SOX6: variants seen among roughly 807,000 people sequenced by gnomAD.
SOX6 encodes SRY-box transcription factor 6.
SOX6 carries 11 observed loss-of-function variants against 97.8 expected under a neutral mutation model. The ratio of observed to expected loss-of-function variants is 0.11; its 90% CI spans 0.07 to 0.19. The LOEUF is 0.19. SOX6 is among the 10% of genes least tolerant of loss of function. The probability of loss-of-function intolerance (pLI) is 1.00; values close to 1 mark genes in which losing one functional copy is unlikely to be tolerated. For synonymous variants in SOX6, 360 were observed against 371.4 expected, an observed-to-expected ratio of 0.97 and a Z score of 0.35; for missense variants, 810 against 1,039.5, an observed-to-expected ratio of 0.78 and a Z score of 3.04.
intron 6 of SOX6, among the ~76,000 whole-genome samples, chr11:16,154,281 T>C (rs998604054): frequency 6.6e-6 from 1 of 152,112 alleles, no homozygotes; most frequent in African/African-American, 2.4e-5. Flanking sequence ...TTGGACAGTG[T>C]AAAGGGAAAA....
chr11:16,709,004 G>A (rs1848156990), intron 3 of SOX6, among the ~76,000 whole-genome samples: 1 of 152,110 alleles, frequency 6.6e-6, no homozygotes, highest in Non-Finnish European at 1.5e-5. Flanking sequence ...GACCCAAAAT[G>A]TTTTGCATTG....
chr11:16,398,937 G>T lies in SOX6; in HGVS notation c.-4-57685C>A, dbSNP rs145356598. On this transcript the variant is annotated intron_variant, in intron 1 of 15. Transcript: ENST00000396356. ...CTAATCATTTATTTTTATTTTCATAGAATCTTTTAAGAAAGGTCAACAAAA... is the reference window on the plus strand; with the variant it reads ...CTAATCATTTATTTTTATTTTCATATAATCTTTTAAGAAAGGTCAACAAAA... Among the ~76,000 whole-genome samples, 77 of 151,106 alleles carry T rather than the reference G, an allele frequency of 5.1e-4. No individual in the cohort carries two copies. In the Middle Eastern group the frequency reaches 0.024, roughly 47 times the overall value.
intron 3 of SOX6, among the ~76,000 whole-genome samples, chr11:16,660,978 C>A (rs1242384655): frequency 6.6e-6 from 1 of 152,178 alleles, no homozygotes; most frequent in Non-Finnish European, 1.5e-5. Context: ...GCTGAGAGTG[C>A]TATTCAGTTC....
rs533121829 is a variant in SOX6, at chr11:16,084,146, C to CA, written c.1101+11849dup. On this transcript the variant is annotated intron_variant, in intron 9 of 15. Coordinates refer to ENST00000683767, the MANE Select transcript of SOX6 (RefSeq NM_001367873.1). ...CAGTCATCAGGCATAGAAATTAGGA[C>CA]AAAAGGGTTTCAAACTGCCTATACA... 1.2e-4 allele frequency among the ~76,000 whole-genome samples: 19 copies of CA among 152,106 alleles called. 1 individual carries two copies. The East Asian group carries it at 3.7e-3, about 30-fold the overall frequency.
intron 1 of SOX6, among the ~76,000 whole-genome samples, chr11:16,379,016 A>G: frequency 6.6e-6 from 1 of 152,144 alleles, no homozygotes; most frequent in East Asian, 1.9e-4. Flanking sequence ...CACTTTACAT[A>G]TAAGGAAACT....
intron 9 of SOX6, among the ~76,000 whole-genome samples, chr11:16,088,583 G>A (rs1297091469): frequency 6.6e-6 from 1 of 151,966 alleles, no homozygotes; most frequent in African/African-American, 2.4e-5. Context: ...AATTTCCTGA[G>A]CATGATCATT....
chr11:16,567,653 G>A (rs1248066118), intron 4 of SOX6, among the ~76,000 whole-genome samples: 45 of 131,368 alleles, frequency 3.4e-4, no homozygotes, highest in South Asian at 2.5e-4. Flanking sequence ...TGCAACCTCC[G>A]CCTTCTGGGT....
intron 7 of SOX6, among the ~76,000 whole-genome samples, chr11:16,106,483 G>T (rs532656122): frequency 6.6e-6 from 1 of 152,016 alleles, no homozygotes; most frequent in Non-Finnish European, 1.5e-5. Flanking sequence ...ATTGAATGGG[G>T]GAAGGGATAG....
chr11:16,045,959 G>A (rs1855815685), intron 12 of SOX6, among the ~76,000 whole-genome samples: 1 of 152,180 alleles, frequency 6.6e-6, no homozygotes, highest in African/African-American at 2.4e-5. Context: ...GAAAGCAGGT[G>A]TCTTTGTCAG....
chr11:16,645,323 A>G (rs1050586893), intron 3 of SOX6, among the ~76,000 whole-genome samples: 6 of 152,288 alleles, frequency 3.9e-5, no homozygotes, highest in African/African-American at 1.4e-4. Flanking sequence ...AAACATGTCC[A>G]TGTTTACAGG....
At chr11:16,396,423 C>T (rs1040082342) in intron 1 of SOX6, among the ~76,000 whole-genome samples, 3 of 151,646 alleles carry the variant, frequency 2.0e-5, no homozygotes, top group Admixed American at 1.3e-4. Context: ...CACATGCACA[C>T]ATATAATGTA....
intron 6 of SOX6, among the ~76,000 whole-genome samples, chr11:16,142,881 T>A (rs1225628579): frequency 1.3e-5 from 2 of 152,040 alleles, no homozygotes; most frequent in African/African-American, 2.4e-5. Flanking sequence ...CTGATTGGTA[T>A]ACCTGAAAGT....
At chr11:16,034,348 G>T (rs1177177945) in intron 12 of SOX6, among the ~76,000 whole-genome samples, 2 of 152,126 alleles carry the variant, frequency 1.3e-5, no homozygotes, top group African/African-American at 4.8e-5. Context: ...AAGATATAAA[G>T]GGCAAATCAG....
intron 3 of SOX6, among the ~76,000 whole-genome samples, chr11:16,692,493 G>A (rs779467291): frequency 6.6e-6 from 1 of 152,022 alleles, no homozygotes; most frequent in Non-Finnish European, 1.5e-5. Flanking sequence ...GCTCTCATTT[G>A]TCTCTCCCTG....
intron 4 of SOX6, among the ~76,000 whole-genome samples, chr11:16,512,223 A>G (rs570569520): frequency 6.6e-6 from 1 of 152,326 alleles, no homozygotes; most frequent in African/African-American, 2.4e-5. Flanking sequence ...CCAAGACACC[A>G]TAAAGAAGTC....
intron 1 of SOX6, among the ~76,000 whole-genome samples, chr11:16,475,435 A>T (rs1054248768): frequency 1.3e-5 from 2 of 152,154 alleles, no homozygotes; most frequent in African/African-American, 4.8e-5. Flanking sequence ...CTTAGAAGTC[A>T]TTGTAGGGTT....
chr11:16,457,766 C>T lies in SOX6; in HGVS notation c.-5+18549G>A, dbSNP rs368503268. On this transcript the variant is annotated intron_variant, in intron 1 of 15. Transcript: ENST00000396356. ...CCCCACCGCTTTCTTCCAAGGTCCA[C>T]CTACTCCAAAAAGTATGTTGAGTTT... Among the ~76,000 whole-genome samples the T allele has an allele frequency of 7.2e-5, 11 of 152,126 alleles. No homozygotes were observed. The South Asian group carries it at 1.7e-3, about 23-fold the overall frequency.
intron 6 of SOX6, among the ~76,000 whole-genome samples, chr11:16,132,413 G>GAAA (rs1363826793): frequency 1.7e-4 from 15 of 90,578 alleles, no homozygotes; most frequent in East Asian, 5.3e-4. Context: ...AAGAAAGAAA[G>GAAA]AAAGAAAGAA....
At chr11:16,409,092 A>G (rs1858742784) in intron 1 of SOX6, among the ~76,000 whole-genome samples, 1 of 152,120 alleles carries the variant, frequency 6.6e-6, no homozygotes. Flanking sequence ...GATGATCAAT[A>G]TCTTCCCTAA....
Sources: gnomAD v4.1 joint callset for allele counts (sites outside exome capture counted in the v4.1 genomes callset) on GRCh38, gnomAD v4.1.1 for gene constraint, MANE v1.5 for transcripts, NCBI Gene and HGNC (gene_info 2026-07-23, HGNC 2026-07-21) for gene names.